Variants in FLT3 observed in about 807,000 individuals in gnomAD.
FLT3 encodes the protein fms related receptor tyrosine kinase 3.
A neutral mutation model predicts 126.6 loss-of-function variants in FLT3; 46 were observed. The ratio of observed to expected loss-of-function variants is 0.36; its 90% CI spans 0.29 to 0.46. FLT3 has a LOEUF of 0.46. FLT3 is among the 20% of genes least tolerant of loss of function. The pLI, the probability that FLT3 is intolerant of heterozygous loss-of-function variation, is 1.00. For synonymous variants in FLT3, 404 were observed against 434.4 expected (o/e 0.93, Z 0.87); for missense variants, 1,069 against 1,190.3 (o/e 0.90, Z 1.50).
chr13:28,055,426 AC>A (rs1381912772), intron 4 of FLT3, among the ~76,000 whole-genome samples: 6 of 152,336 alleles, frequency 3.9e-5, no homozygotes, highest in African/African-American at 1.4e-4. Flanking sequence ...AAAAAGTAGA[AC>A]TGAAATGAAT....
chr13:28,048,598 A>G (rs113917121), intron 8 of FLT3, among the ~76,000 whole-genome samples, 155 bp from the exon 9 acceptor site: 2 of 152,220 alleles, frequency 1.3e-5, no homozygotes, highest in Admixed American at 6.5e-5. Flanking sequence ...GTGAAAACCC[A>G]GGAGTCCTAT....
At chr13:28,026,835 T>G (rs1040565702) in intron 17 of FLT3, among the ~76,000 whole-genome samples, 1 of 152,118 alleles carries the variant, frequency 6.6e-6, no homozygotes, top group Non-Finnish European at 1.5e-5. Flanking sequence ...CCAAACCAAA[T>G]AGGCGTCTAT....
At chr13:28,016,187 G>A (rs1871839160) in intron 20 of FLT3, among the ~76,000 whole-genome samples, 1 of 152,114 alleles carries the variant, frequency 6.6e-6, no homozygotes, top group South Asian at 2.1e-4. Flanking sequence ...AGCATGAAAG[G>A]GAGTTTTGAC....
chr13:28,052,728 C>A (rs2137741916), intron 4 of FLT3, 54 bp from the exon 5 acceptor site: 9 of 1,264,074 alleles, frequency 7.1e-6, no homozygotes, highest in Non-Finnish European at 1.0e-5. Context: ...ATTCTCTTAG[C>A]AGCCCCTCAG....
chr13:28,085,674 T>C (rs1466933285), intron 1 of FLT3, among the ~76,000 whole-genome samples: 1 of 144,528 alleles, frequency 6.9e-6, no homozygotes. Flanking sequence ...TATAACATTA[T>C]GAAATGGCTC....
chr13:28,050,411 T>A (rs1875331442), intron 5 of FLT3, among the ~76,000 whole-genome samples, 189 bp from the exon 6 acceptor site: 1 of 152,196 alleles, frequency 6.6e-6, no homozygotes, highest in Admixed American at 6.5e-5. Flanking sequence ...TTACTCATTA[T>A]CGCAATGAAT....
chr13:28,025,707 T>A (rs1872735389), intron 17 of FLT3, among the ~76,000 whole-genome samples: 1 of 152,224 alleles, frequency 6.6e-6, no homozygotes, highest in African/African-American at 2.4e-5. Context: ...CTCAGTAGGA[T>A]AGCCCCTCTG....
chr13:28,058,083 G>T (rs9919866), intron 3 of FLT3, among the ~76,000 whole-genome samples: 98 of 151,374 alleles, frequency 6.5e-4, no homozygotes, highest in African/African-American at 2.2e-3. Context: ...AGTAAGCTGG[G>T]TGCAGTGGCT....
chr13:28,014,372 G>T, intron 23 of FLT3, 80 bp downstream of exon 23: 4 of 1,050,250 alleles, frequency 3.8e-6, no homozygotes, highest in African/African-American at 1.6e-5. Context: ...GGTACCTTTG[G>T]TTCACAGGAA....
At chr13:28,040,079 G>A (rs1036163010) in intron 9 of FLT3, among the ~76,000 whole-genome samples, 4 of 152,156 alleles carry the variant, frequency 2.6e-5, no homozygotes, top group Non-Finnish European at 5.9e-5. Flanking sequence ...CCAAGAACTC[G>A]TTCATTCATT....
chr13:28,035,876 T>G, intron 11 of FLT3, 59 bp downstream of exon 11: 1 of 1,367,184 alleles, frequency 7.3e-7, no homozygotes, highest in Non-Finnish European at 1.0e-6. Flanking sequence ...CATGAAAGAG[T>G]CAATAGGTCA....
chr13:28,009,853 C>T (rs184883754), intron 23 of FLT3, among the ~76,000 whole-genome samples: 24 of 152,250 alleles, frequency 1.6e-4, no homozygotes, highest in Non-Finnish European at 3.1e-4. Context: ...TCAGCCACCA[C>T]GCTTGGCCTC....
At chr13:28,060,282 A>T (rs2137763629) in intron 3 of FLT3, among the ~76,000 whole-genome samples, 1 of 150,202 alleles carries the variant, frequency 6.7e-6, no homozygotes, top group East Asian at 2.0e-4. Flanking sequence ...ATTAGCCAGG[A>T]ATGGTGGTGG....
At chr13:28,032,132 T>G (rs9512989) in intron 15 of FLT3, among the ~76,000 whole-genome samples, 23,916 of 152,136 alleles carry the variant, frequency 0.16, 2,195 homozygotes, top group Middle Eastern at 0.26. Context: ...ATGTGGTTAT[T>G]TATTCACTGG....
intron 2 of FLT3, among the ~76,000 whole-genome samples, chr13:28,066,849 A>G (rs565929333): frequency 1.3e-5 from 2 of 152,300 alleles, no homozygotes; most frequent in East Asian, 1.9e-4. Context: ...AAGGAACAGG[A>G]TATTTGCATC....
chr13:28,035,048 G>A (rs1310426806), intron 12 of FLT3, among the ~76,000 whole-genome samples: 1 of 152,176 alleles, frequency 6.6e-6, no homozygotes, highest in Non-Finnish European at 1.5e-5. Flanking sequence ...GGAGAAGTCA[G>A]TTTTGTGAGG....
At chr13:28,013,527 T>A (rs997146147) in intron 23 of FLT3, among the ~76,000 whole-genome samples, 1 of 152,238 alleles carries the variant, frequency 6.6e-6, no homozygotes, top group East Asian at 1.9e-4. Flanking sequence ...TCTCCTTTAT[T>A]TATTTCATCT....
At chr13:28,031,562 G>C (rs1041242587) in intron 15 of FLT3, among the ~76,000 whole-genome samples, 1 of 152,194 alleles carries the variant, frequency 6.6e-6, no homozygotes, top group Non-Finnish European at 1.5e-5. Flanking sequence ...TTCTACGGGG[G>C]AAAGCCTGCA....
intron 18 of FLT3, 108 bp downstream of exon 18, chr13:28,024,752 AG>A: frequency 6.6e-6 from 5 of 759,672 alleles, no homozygotes. Context: ...TCTGACAATT[AG>A]CAAATTTTAA....
Sources: gnomAD v4.1 joint callset for allele counts (sites outside exome capture counted in the v4.1 genomes callset) on GRCh38, gnomAD v4.1.1 for gene constraint, MANE v1.5 for transcripts, NCBI Gene and HGNC (gene_info 2026-07-23, HGNC 2026-07-21) for gene names.